Variants in IDH3A observed in about 807,000 individuals in gnomAD.
IDH3A encodes isocitrate dehydrogenase (NAD(+)) 3 catalytic subunit alpha, also known as isocitrate dehydrogenase [NAD] subunit alpha, mitochondrial.
A neutral mutation model predicts 43.3 loss-of-function variants in IDH3A; 23 were observed. The ratio of observed to expected loss-of-function variants is 0.53; its 90% CI spans 0.38 to 0.75. IDH3A has a LOEUF of 0.75. Ranked by LOEUF, IDH3A falls within the 30% of genes least tolerant of loss-of-function variation. The pLI is 0.00. For missense variants in IDH3A, 329 were observed against 474.4 expected (o/e 0.69, Z 2.85); for synonymous variants, 154 against 163.5 (o/e 0.94, Z 0.44).
chr15:78,149,450 C>A lies in IDH3A; in HGVS notation c.27+20C>A. The A allele has an allele frequency of 6.5e-7, 1 of 1,532,922 alleles. No homozygotes were observed. Among genetic ancestry groups the A allele is most frequent in the South Asian group, 1.2e-5 (1 of 83,338 alleles). The allele number at this position is 1,532,922 out of a possible 1,614,324, so 95.0% of individuals were successfully genotyped here. Reference sequence around the variant, plus strand: ...TCTAAGGTGAGCGCTGGCAGGCCGGCGTGTGGCAGGCAGGCAGGCCGCGAG... The same window carrying A: ...TCTAAGGTGAGCGCTGGCAGGCCGGAGTGTGGCAGGCAGGCAGGCCGCGAG... On this transcript the variant is annotated intron_variant, in intron 1 of 10. Coordinates refer to ENST00000299518, the MANE Select transcript of IDH3A (RefSeq NM_005530.3).
In IDH3A at chr15:78,162,380, CG is replaced by C. The variant is rs751155721; in HGVS notation, c.611+18del. 6.2e-7 allele frequency: 1 copy of C among 1,612,156 alleles called. No individual in the cohort carries two copies. Among genetic ancestry groups the C allele is most frequent in the Non-Finnish European group, 8.5e-7 (1 of 1,178,828 alleles). On this transcript the variant is annotated intron_variant, in intron 6 of 10. Transcript: ENST00000299518. ...AAGCCAACATCATGTGAGCTCCTTGCGGGGGCCGGCACCCCATCTTGCTTTG... is the reference window on the plus strand; with the variant it reads ...AAGCCAACATCATGTGAGCTCCTTGCGGGGCCGGCACCCCATCTTGCTTTG...
intron 2 of IDH3A, 43 bp downstream of exon 2, chr15:78,155,318 C>T (rs1333904393): frequency 7.4e-7 from 1 of 1,352,998 alleles, no homozygotes; most frequent in Non-Finnish European, 1.1e-6. Context: ...TTAGAAGTTT[C>T]TCAAGAAAGA....
intron 10 of IDH3A, 144 bp from the exon 11 acceptor site, chr15:78,168,778 G>T (rs2074782900): frequency 1.3e-5 from 8 of 632,018 alleles, no homozygotes; most frequent in South Asian, 9.4e-5. Context: ...GTGGTGGAGT[G>T]GTTCCTCACT....
chr15:78,156,825 C>A, intron 2 of IDH3A: 1 of 1,097,332 alleles, frequency 9.1e-7, no homozygotes, highest in Non-Finnish European at 1.2e-6. Flanking sequence ...ATTGCTGTTA[C>A]ATTATAAAAA....
intron 1 of IDH3A, chr15:78,151,379 C>A (rs1468713834): frequency 6.6e-6 from 1 of 152,110 alleles, no homozygotes; most frequent in African/African-American, 2.4e-5. Flanking sequence ...AGTTCAAGAC[C>A]AGCCTGGCCA....
chr15:78,169,998 T>C lies in IDH3A; in HGVS notation c.*993T>C, dbSNP rs2074800212. 6.6e-6 allele frequency: 1 copy of C among 152,172 alleles called. No homozygotes were observed. The allele number at this position is 152,172 out of a possible 1,614,324, so 9.4% of individuals were successfully genotyped here. A position where few individuals can be genotyped will look rare whatever the true frequency, so the allele number is the denominator to read the frequency against. On this transcript the variant is annotated 3_prime_UTR_variant, in exon 11 of 11. Coordinates refer to ENST00000299518, the MANE Select transcript of IDH3A (RefSeq NM_005530.3). Reference sequence around the variant, plus strand: ...TTTGTATTTCAGCAACTGCCCCTTCTCCTATCCCAAAGCACCAATTACTGC... The same window carrying C: ...TTTGTATTTCAGCAACTGCCCCTTCCCCTATCCCAAAGCACCAATTACTGC...
chr15:78,153,216 C>T (rs944649064), intron 1 of IDH3A, among the ~76,000 whole-genome samples: 4 of 152,148 alleles, frequency 2.6e-5, no homozygotes, highest in Non-Finnish European at 2.9e-5. Context: ...GAGCTCAAGC[C>T]GACTTAGCCT....
At chr15:78,160,385 C>T (rs1481269555) in intron 4 of IDH3A, among the ~76,000 whole-genome samples, 179 bp downstream of exon 4, 1 of 152,144 alleles carries the variant, frequency 6.6e-6, no homozygotes, top group Non-Finnish European at 1.5e-5. Flanking sequence ...TTTTTTCCCC[C>T]AGTAAAAAAC....
At chr15:78,153,342 T>G (rs1357472431) in intron 1 of IDH3A, among the ~76,000 whole-genome samples, 1 of 152,192 alleles carries the variant, frequency 6.6e-6, no homozygotes, top group Non-Finnish European at 1.5e-5. Flanking sequence ...AGGACATGAG[T>G]TTTGTGTGAA....
chr15:78,164,256 C>T (rs2074713467), intron 8 of IDH3A, among the ~76,000 whole-genome samples: 1 of 151,600 alleles, frequency 6.6e-6, no homozygotes, highest in Admixed American at 6.6e-5. Context: ...ACTTTCCCTC[C>T]CTTCCTCTTC....
intron 1 of IDH3A, among the ~76,000 whole-genome samples, chr15:78,152,583 C>T (rs553665333): frequency 1.3e-5 from 2 of 148,308 alleles, no homozygotes. Flanking sequence ...TGGTCTTGAA[C>T]TCCTGACCTC....
chr15:78,165,059 G>T lies in IDH3A; in HGVS notation c.847G>T (p.Val283Phe), dbSNP rs1422173667. The change falls in exon 9 of 11, where the codon GTT becomes TTT. Residue 283 changes from valine to phenylalanine, a missense_variant. By Grantham distance (50) the Val-to-Phe change is conservative. This residue lies in a region of IDH3A where 91 missense variants were observed against 111.6 expected (regional missense o/e 0.82). Transcript: ENST00000299518. ...AAGTGGCAACATTGGAGCCAATGGG[G>T]TTGCAATTTTTGAGTCGGTAAGGAC... Reference protein sequence around the residue: ...TPSGNIGANGVAIFESVHGTA... With the variant: ...TPSGNIGANGFAIFESVHGTA... 3.1e-6 allele frequency: 5 copies of T among 1,613,594 alleles called. No individual in the cohort carries two copies. Among genetic ancestry groups the T allele is most frequent in the Non-Finnish European group, 4.2e-6 (5 of 1,179,546 alleles).
intron 3 of IDH3A, among the ~76,000 whole-genome samples, 193 bp downstream of exon 3, chr15:78,157,824 CT>C (rs1009643108): frequency 3.2e-3 from 465 of 143,698 alleles, no homozygotes; most frequent in Middle Eastern, 7.2e-3. Flanking sequence ...TTCTTTCTTT[CT>C]TTTTTTTTTT....
chr15:78,157,505 A>C, intron 2 of IDH3A, 43 bp from the exon 3 acceptor site: 4 of 1,441,956 alleles, frequency 2.8e-6, no homozygotes, highest in South Asian at 2.4e-5. Flanking sequence ...GCCTTCAAAA[A>C]CAAAAATTCT....
rs558143055 is a variant in IDH3A, at chr15:78,165,222, C to T, written c.864+146C>T. On this transcript the variant is annotated intron_variant, in intron 9 of 10. Coordinates refer to ENST00000299518, the MANE Select transcript of IDH3A (RefSeq NM_005530.3). ...TTTTTTTTTTCTCGAGACGGAGTCT[C>T]GCTCTGTCACCCACGCTGGAGTACA... The T allele has an allele frequency of 3.2e-4, 196 of 611,136 alleles. 2 individuals carry two copies. In the South Asian group the frequency reaches 3.5e-3, roughly 11 times the overall value. The allele number at this position is 611,136 out of a possible 1,614,324, so 37.9% of individuals were successfully genotyped here.
intron 9 of IDH3A, among the ~76,000 whole-genome samples, chr15:78,165,515 A>G (rs1454602460): frequency 6.6e-6 from 1 of 151,952 alleles, no homozygotes; most frequent in East Asian, 1.9e-4. Context: ...ATATACACCC[A>G]TATATAAACA....
chr15:78,162,761 G>T (rs939591021), intron 6 of IDH3A, among the ~76,000 whole-genome samples: 5 of 152,078 alleles, frequency 3.3e-5, no homozygotes, highest in African/African-American at 9.7e-5. Context: ...GGCCAGGCTG[G>T]TCTCAAACTC....
chr15:78,164,307 C>CG (rs1037544405), intron 8 of IDH3A, among the ~76,000 whole-genome samples: 51 of 151,640 alleles, frequency 3.4e-4, no homozygotes, highest in Admixed American at 5.9e-4. Context: ...CTCTCTCTCC[C>CG]CCCCCGACAC....
At chr15:78,157,187 G>T in intron 2 of IDH3A, 3 of 1,108,188 alleles carry the variant, frequency 2.7e-6, no homozygotes, top group Non-Finnish European at 3.3e-6. Flanking sequence ...TTAATTTTTT[G>T]TTGTTGTTGT....
Sources: gnomAD v4.1 joint callset for allele counts (sites outside exome capture counted in the v4.1 genomes callset) on GRCh38, gnomAD v4.1.1 for gene constraint, gnomAD v4.1.1 regional missense constraint, MANE v1.5 for transcripts, NCBI Gene and HGNC (gene_info 2026-07-23, HGNC 2026-07-21) for gene names.